NVL: variants seen among roughly 807,000 people sequenced by gnomAD.
NVL encodes the protein nuclear VCP like.
NVL carries 84 observed loss-of-function variants against 110.2 expected under a neutral mutation model. The ratio of observed to expected loss-of-function variants is 0.76; its 90% CI spans 0.64 to 0.91. NVL has a LOEUF of 0.91. NVL is among the 40% of genes least tolerant of loss of function. The pLI, the probability that NVL is intolerant of heterozygous loss-of-function variation, is 0.00. For synonymous variants in NVL, 354 were observed against 361.1 expected (o/e 0.98, Z 0.22); for missense variants, 882 against 1,035.9 (o/e 0.85, Z 2.04).
chr1:224,274,749 G>A (rs972208462), intron 17 of NVL, among the ~76,000 whole-genome samples: 4 of 152,150 alleles, frequency 2.6e-5, no homozygotes. Flanking sequence ...TTATACAATA[G>A]CACTCCTAAT....
chr1:224,246,699 T>C (rs901588585), intron 19 of NVL, among the ~76,000 whole-genome samples: 18 of 152,172 alleles, frequency 1.2e-4, no homozygotes, highest in African/African-American at 4.3e-4. Context: ...TCCACATACA[T>C]TGACCAAAGC....
chr1:224,250,103 C>G (rs1302840116), intron 19 of NVL, 109 bp downstream of exon 19: 22 of 1,088,532 alleles, frequency 2.0e-5, no homozygotes, highest in Non-Finnish European at 2.5e-5. Flanking sequence ...TGGGCAAACA[C>G]AGCTACAGAA....
rs1363037375 is a variant in NVL, at chr1:224,294,252, TC to T, written c.1325+14del. 1.2e-6 allele frequency: 2 copies of T among 1,613,740 alleles called. No homozygotes were observed. Among genetic ancestry groups the T allele is most frequent in the Admixed American group, 3.3e-5 (2 of 59,992 alleles). On this transcript the variant is annotated intron_variant, in intron 12 of 22. Transcript: ENST00000281701. ...TGACTTAGTGGCATACAAACTTCAT[TC>T]TATAAGAATATACCTTTCCCTGGAT...
chr1:224,237,277 C>T (rs889353089), intron 19 of NVL, among the ~76,000 whole-genome samples: 1 of 152,132 alleles, frequency 6.6e-6, no homozygotes, highest in African/African-American at 2.4e-5. Context: ...AATACTGAAC[C>T]TGGCCAGGAG....
rs910098710 is a variant in NVL at position 224,300,615 on chromosome 1, C to T, written c.1009G>A (p.Gly337Arg). The T allele has an allele frequency of 1.9e-6, 3 of 1,613,918 alleles. No homozygotes were observed. Among genetic ancestry groups the T allele is most frequent in the Non-Finnish European group, 2.5e-6 (3 of 1,179,944 alleles). Residue 337 changes from glycine (G) to arginine (R), a missense_variant, in exon 10 of 23, where the codon GGA becomes AGA. Coordinates refer to ENST00000281701, the MANE Select transcript of NVL (RefSeq NM_002533.4). ...LKVAAPEIVS[G>R]VSGESEQKLR... ...TTCTGCTCAGACTCTCCGGATACTC[C>T]AGACACAATCTCTGGAGCAGCCACT... is the stretch of plus-strand genomic sequence containing the variant.
chr1:224,231,410 T>A, intron 21 of NVL, 114 bp from the exon 22 acceptor site: 2 of 733,210 alleles, frequency 2.7e-6, no homozygotes, highest in South Asian at 3.0e-5. Context: ...AAGAGATCAG[T>A]GATGAGATGG....
intron 18 of NVL, among the ~76,000 whole-genome samples, chr1:224,265,557 G>T (rs1463523608): frequency 2.0e-5 from 3 of 152,036 alleles, no homozygotes; most frequent in African/African-American, 7.2e-5. Context: ...ATATGGTGCG[G>T]GCTGTTAACG....
At chr1:224,294,975 G>A (rs931573269) in intron 11 of NVL, among the ~76,000 whole-genome samples, 1 of 152,188 alleles carries the variant, frequency 6.6e-6, no homozygotes, top group African/African-American at 2.4e-5. Context: ...AAATTAATTC[G>A]AGCAGGGGAA....
intron 11 of NVL, 37 bp from the exon 12 acceptor site, chr1:224,294,448 C>T (rs1667681173): frequency 6.2e-7 from 1 of 1,605,034 alleles, no homozygotes; most frequent in Non-Finnish European, 8.5e-7. Context: ...GAACAAAGCA[C>T]TTGACACTGA....
chr1:224,266,686 T>C (rs746600900), intron 18 of NVL, among the ~76,000 whole-genome samples: 43 of 152,364 alleles, frequency 2.8e-4, no homozygotes, highest in Non-Finnish European at 5.0e-4. Context: ...TATCTGCTTA[T>C]GAAAGGGACG....
rs1174511078 is a variant in NVL at position 224,227,589 on chromosome 1, T to G, written c.*37A>C. ...GCGTGTGGGGGATTCTCTGCCGGCTTGATGGGCTAGCTCCTCTAAGCCGGC... is the reference window on the plus strand; with the variant it reads ...GCGTGTGGGGGATTCTCTGCCGGCTGGATGGGCTAGCTCCTCTAAGCCGGC... On this transcript the variant is annotated 3_prime_UTR_variant, in exon 23 of 23. Coordinates refer to ENST00000281701, the MANE Select transcript of NVL (RefSeq NM_002533.4). 6.3e-7 allele frequency: 1 copy of G among 1,594,416 alleles called. No individual in the cohort carries two copies. Among genetic ancestry groups the G allele is most frequent in the Non-Finnish European group, 8.6e-7 (1 of 1,165,950 alleles).
Position 224,300,650 on chromosome 1 carries a change from G to A in NVL, c.974C>T (p.Pro325Leu), listed in dbSNP as rs765659709. 1.9e-6 allele frequency: 3 copies of A among 1,613,452 alleles called. No homozygotes were observed. The highest frequency in any genetic ancestry group is 2.5e-6 in the Non-Finnish European group (3 of 1,179,616). Residue 325 changes from proline (P) to leucine (L), a missense_variant, in exon 10 of 23, where the codon CCA becomes CTA. Coordinates refer to ENST00000281701, the MANE Select transcript of NVL (RefSeq NM_002533.4). The part of the protein sequence containing the change: ...AHAIAGELDL[P>L]ILKVAAPEIV... ...CTCTGGAGCAGCCACTTTCAAAATT[G>A]GCAGGTCAAGTTCCTATGCAGACAC...
At chr1:224,247,837 C>T (rs1386317804) in intron 19 of NVL, among the ~76,000 whole-genome samples, 1 of 152,124 alleles carries the variant, frequency 6.6e-6, no homozygotes, top group Non-Finnish European at 1.5e-5. Flanking sequence ...TGTTGGCTGT[C>T]CTGTGCACTG....
chr1:224,277,028 C>T (rs572665103), intron 16 of NVL, among the ~76,000 whole-genome samples: 8 of 149,916 alleles, frequency 5.3e-5, no homozygotes, highest in Middle Eastern at 6.9e-3. Flanking sequence ...ATCATTTGAC[C>T]GAAACCAAAC....
At chr1:224,250,937 G>A (rs951282201) in intron 18 of NVL, among the ~76,000 whole-genome samples, 4 of 151,962 alleles carry the variant, frequency 2.6e-5, no homozygotes, top group Admixed American at 6.6e-5. Context: ...GATTACAGAC[G>A]TGAGCCACTG....
chr1:224,323,928 G>C (rs1296519224), intron 2 of NVL, among the ~76,000 whole-genome samples: 1 of 152,218 alleles, frequency 6.6e-6, no homozygotes, highest in African/African-American at 2.4e-5. Context: ...GAATAGGAAT[G>C]AATGTCTAAC....
intron 6 of NVL, among the ~76,000 whole-genome samples, chr1:224,306,903 G>A (rs566749522): frequency 1.3e-5 from 2 of 152,134 alleles, no homozygotes; most frequent in Middle Eastern, 6.8e-3. Context: ...CCCTATAGAT[G>A]GATGATATGG....
Position 224,308,191 on chromosome 1 carries a change from G to T in NVL, c.415C>A (p.Pro139Thr), listed in dbSNP as rs759770026. 1.9e-6 allele frequency: 3 copies of T among 1,613,948 alleles called. No homozygotes were observed. The highest frequency in any genetic ancestry group is 1.1e-5 in the South Asian group (1 of 91,060). The change falls in exon 6 of 23, where the codon CCT (proline) becomes ACT (threonine). Residue 139 changes from proline (P) to threonine (T), a missense_variant. Physicochemically the swap from Pro to Thr is conservative, Grantham distance 38. This residue lies in a region of NVL where 274 missense variants were observed against 268.4 expected (regional missense o/e 1.02). Transcript: ENST00000281701. ...KGNPDSVSNTPEMEQRETTSS... is the reference protein window; with the variant it reads ...KGNPDSVSNTTEMEQRETTSS... ...GTGGTTTCTCTTTGCTCCATCTCAG[G>T]AGTATTTGAAACAGAATCAGGATTT...
intron 6 of NVL, among the ~76,000 whole-genome samples, chr1:224,306,225 G>A (rs1558337839): frequency 6.6e-6 from 1 of 152,020 alleles, no homozygotes; most frequent in African/African-American, 2.4e-5. Flanking sequence ...AAAAGTGACT[G>A]CACTCTAGCC....
Sources: allele counts gnomAD v4.1 joint callset (sites outside exome capture counted in the v4.1 genomes callset), GRCh38; gene constraint gnomAD v4.1.1; regional missense constraint gnomAD v4.1.1; transcripts MANE v1.5; gene names NCBI Gene and HGNC (gene_info 2026-07-23, HGNC 2026-07-21).